Variants in ANLN observed in about 807,000 individuals in gnomAD.
ANLN encodes the protein anillin, actin binding protein, also known as anillin.
Under a neutral mutation model 135.1 loss-of-function variants are expected in ANLN, and 59 were observed. The ratio of observed to expected loss-of-function variants is 0.44; its 90% CI spans 0.35 to 0.54. ANLN has a LOEUF of 0.54. ANLN is among the 20% of genes least tolerant of loss of function. ANLN has a pLI of 0.00. For synonymous variants in ANLN, 406 were observed against 456.4 expected (o/e 0.89, Z 1.41); for missense variants, 1,182 against 1,340.0 (o/e 0.88, Z 1.84).
rs9986887 is a variant in ANLN, at chr7:36,395,165, A to G, written c.19-1101A>G. 5.0e-3 allele frequency among the ~76,000 whole-genome samples: 763 copies of G among 152,344 alleles called. 8 individuals are homozygous for G. Among genetic ancestry groups the G allele is most frequent in the African/African-American group, 0.018 (734 of 41,566 alleles). On this transcript the variant is annotated intron_variant, in intron 1 of 23. Transcript: ENST00000265748. The stretch of plus-strand genomic sequence containing the variant: ...GTTATCACAAATTTAGTGGCCTAAA[A>G]TAACATATTCATTATTTTACAGTTC...
Position 36,420,217 on chromosome 7 carries a change from G to A in ANLN, c.1918G>A (p.Asp640Asn), listed in dbSNP as rs1196694258. The A allele has an allele frequency of 6.2e-7, 1 of 1,614,052 alleles. No homozygotes were observed. Among genetic ancestry groups the A allele is most frequent in the Non-Finnish European group, 8.5e-7 (1 of 1,179,970 alleles). The change falls in exon 11 of 24, where the codon GAT becomes AAT. Residue 640 changes from aspartate to asparagine, a missense_variant. This residue lies in a region of ANLN where 1,022 missense variants were observed against 1,134.0 expected (regional missense o/e 0.90). Transcript: ENST00000265748. ...RLELKDTSRS[D>N]ESPKPGKFQR... ...GGAATTGAAAGACACCAGCAGAAGT[G>A]ATGAAAGTCCAAAACCAGGAAAATT...
intron 3 of ANLN, among the ~76,000 whole-genome samples, chr7:36,405,322 A>G (rs556043389): frequency 6.6e-6 from 1 of 152,314 alleles, no homozygotes; most frequent in South Asian, 2.1e-4. Context: ...CATTTCTCAG[A>G]ATGTATCCCC....
Position 36,449,792 on chromosome 7 carries a change from G to T in ANLN, c.3206G>T (p.Arg1069Leu), listed in dbSNP as rs778999686. The T allele has an allele frequency of 3.1e-6, 5 of 1,613,968 alleles. No individual in the cohort carries two copies. The East Asian group carries it at 1.1e-4, about 36-fold the overall frequency. The change falls in exon 23 of 24, where the codon CGA (arginine) becomes CTA (leucine). Residue 1069 changes from arginine (R) to leucine (L), a missense_variant. Physicochemically the swap from Arg to Leu is moderately radical, Grantham distance 102. Coordinates refer to ENST00000265748, the MANE Select transcript of ANLN (RefSeq NM_018685.5). ...GTCCGACCACAAAGAGAAGATGACC[G>T]AGAGACTCTTGTCAGCCAATGCAGG... ...ITVRPQREDDRETLVSQCRDT... is the reference protein window; with the variant it reads ...ITVRPQREDDLETLVSQCRDT...
chr7:36,391,235 T>C (rs764865950), intron 1 of ANLN, among the ~76,000 whole-genome samples: 4 of 152,226 alleles, frequency 2.6e-5, no homozygotes, highest in Non-Finnish European at 4.4e-5. Flanking sequence ...ATAGGGCTGG[T>C]CATGCACCAA....
At chr7:36,409,053 T>C (rs1456503920) in intron 5 of ANLN, among the ~76,000 whole-genome samples, 1 of 152,148 alleles carries the variant, frequency 6.6e-6, no homozygotes, top group Non-Finnish European at 1.5e-5. Flanking sequence ...ATGGGGTAGG[T>C]AGAAATCTGC....
In ANLN at chr7:36,411,091, C is replaced by T. The variant is rs1787394434; in HGVS notation, c.1320C>T (p.Gly440=). 2 of 1,609,514 alleles carry T rather than the reference C, an allele frequency of 1.2e-6. No homozygotes were observed. Among genetic ancestry groups the T allele is most frequent in the Non-Finnish European group, 1.7e-6 (2 of 1,179,114 alleles). ...ERQKELACLR[G]RFDKGNIWSA... ...AAAAAGAACTAGCATGTCTTCGTGGCCGATTTGACAAGGGCAATATATGGA... is the reference window on the plus strand; with the variant it reads ...AAAAAGAACTAGCATGTCTTCGTGGTCGATTTGACAAGGGCAATATATGGA... Residue 440 remains glycine (G), a synonymous_variant, in exon 7 of 24, where the codon GGC becomes GGT. Transcript: ENST00000265748.
chr7:36,443,640 G>A (rs995152594), intron 21 of ANLN, 115 bp from the exon 22 acceptor site: 3 of 612,734 alleles, frequency 4.9e-6, no homozygotes, highest in Non-Finnish European at 8.6e-6. Flanking sequence ...CATACAAATA[G>A]GTTTTGAGAT....
intron 23 of ANLN, among the ~76,000 whole-genome samples, chr7:36,450,132 T>C (rs1789185021): frequency 6.6e-6 from 1 of 152,218 alleles, no homozygotes; most frequent in African/African-American, 2.4e-5. Flanking sequence ...AAAGATTTCA[T>C]GCGTAGTTGA....
chr7:36,414,962 G>A (rs1787580357), intron 7 of ANLN, among the ~76,000 whole-genome samples: 1 of 152,158 alleles, frequency 6.6e-6, no homozygotes. Context: ...ATTAGGTGAG[G>A]CAATAGATAT....
At chr7:36,410,834 C>A in intron 6 of ANLN, 130 bp downstream of exon 6, 1 of 1,039,678 alleles carries the variant, frequency 9.6e-7, no homozygotes, top group Non-Finnish European at 1.4e-6. Flanking sequence ...TCACTAATTT[C>A]AGACAAGATT....
chr7:36,433,097 G>A (rs1440348257), intron 20 of ANLN, among the ~76,000 whole-genome samples: 3 of 152,104 alleles, frequency 2.0e-5, no homozygotes, highest in Non-Finnish European at 4.4e-5. Context: ...TTACAGTTGT[G>A]AACTACTGTG....
Position 36,419,309 on chromosome 7 carries a change from G to T in ANLN, c.1699G>T (p.Asp567Tyr). The T allele has an allele frequency of 6.2e-7, 1 of 1,614,076 alleles. No individual in the cohort carries two copies. Among genetic ancestry groups the T allele is most frequent in the South Asian group, 1.1e-5 (1 of 91,056 alleles). ...DDINSSKVINDLFSDVLEEGE... is the reference protein window; with the variant it reads ...DDINSSKVINYLFSDVLEEGE... ...TATCAATAGTTCGAAAGTAATTAATGACCTCTTCAGTGATGTCCTAGAGGA... is the reference window on the plus strand; with the variant it reads ...TATCAATAGTTCGAAAGTAATTAATTACCTCTTCAGTGATGTCCTAGAGGA... Residue 567 changes from aspartate (D) to tyrosine (Y), a missense_variant, in exon 10 of 24, where the codon GAC becomes TAC. Physicochemically the swap from Asp to Tyr is radical, Grantham distance 160. Coordinates refer to ENST00000265748, the MANE Select transcript of ANLN (RefSeq NM_018685.5).
At chr7:36,432,651 GT>G (rs1311001013) in intron 20 of ANLN, among the ~76,000 whole-genome samples, 1 of 152,228 alleles carries the variant, frequency 6.6e-6, no homozygotes, top group Admixed American at 6.5e-5. Flanking sequence ...TTTGTTATTT[GT>G]TTTCTATTTG....
In ANLN at chr7:36,433,159, G is replaced by T. The variant is rs149472112; in HGVS notation, c.2884-6045G>T. 4.6e-5 allele frequency among the ~76,000 whole-genome samples: 7 copies of T among 152,192 alleles called. No homozygotes were observed. In the East Asian group the frequency reaches 1.2e-3, roughly 25 times the overall value. On this transcript the variant is annotated intron_variant, in intron 20 of 23. Coordinates refer to ENST00000265748, the MANE Select transcript of ANLN (RefSeq NM_018685.5). The stretch of plus-strand genomic sequence containing the variant: ...AGAAACTTTTATATTTTTATAAACT[G>T]GTCCTTATATTTACCATTTCTGGTG...
chr7:36,406,212 A>C lies in ANLN; in HGVS notation c.519A>C (p.Pro173=). 6.2e-7 allele frequency: 1 copy of C among 1,610,476 alleles called. No homozygotes were observed. The highest frequency in any genetic ancestry group is 8.5e-7 in the Non-Finnish European group (1 of 1,177,018). The stretch of plus-strand genomic sequence containing the variant: ...TTCCTGAAAGCTCACTCTTCTCACC[A>C]ATGCCATCAGAGGAAAAGGCTGCTT... ...DDIPESSLFS[P]MPSEEKAASP... The change falls in exon 4 of 24, where the codon CCA becomes CCC. Residue 173 remains proline, a synonymous_variant. Coordinates refer to ENST00000265748, the MANE Select transcript of ANLN (RefSeq NM_018685.5).
intron 20 of ANLN, among the ~76,000 whole-genome samples, chr7:36,430,789 C>T (rs1288881497): frequency 1.3e-5 from 2 of 152,126 alleles, no homozygotes; most frequent in Non-Finnish European, 2.9e-5. Flanking sequence ...GCATATAACA[C>T]ATTACACAGT....
At chr7:36,419,640 T>TAACC (rs1787790564) in intron 10 of ANLN, among the ~76,000 whole-genome samples, 161 bp downstream of exon 10, 1 of 152,190 alleles carries the variant, frequency 6.6e-6, no homozygotes, top group Admixed American at 6.5e-5. Context: ...AACTCTTGAG[T>TAACC]GGTTTCCTTT....
At position 36,399,179 on chromosome 7, in the gene ANLN, A is replaced by T. The variant is rs1336387582; in HGVS notation, c.273A>T (p.Thr91=). Residue 91 remains threonine (T), a synonymous_variant, in exon 3 of 24, where the codon ACA becomes ACT. Coordinates refer to ENST00000265748, the MANE Select transcript of ANLN (RefSeq NM_018685.5). The part of the protein sequence containing the change: ...NLENKQPVES[T]SAKSCSPSPV... ...AAAATAAACAACCAGTTGAGTCGAC[A>T]TCTGCAAAATCTTGTTCTCCAAGTC... 1 of 1,614,212 alleles carries T rather than the reference A, an allele frequency of 6.2e-7. No individual in the cohort carries two copies. The highest frequency in any genetic ancestry group is 2.2e-5 in the East Asian group (1 of 44,882).
In ANLN at chr7:36,424,718, G is replaced by A. The variant is rs201028914; in HGVS notation, c.2685G>A (p.Lys895=). 3 of 1,610,742 alleles carry A rather than the reference G, an allele frequency of 1.9e-6. No individual in the cohort carries two copies. The African/African-American group carries it at 4.0e-5, about 22-fold the overall frequency. ...AGAAAGATCCCTCAGGCCTTGATAA[G>A]AAGAAAAAAACATCCAAGTCCAAGG... ...VQKKDPSGLD[K]KKKTSKSKAI... is the part of the protein sequence containing the mutation. The change falls in exon 17 of 24, where the codon AAG becomes AAA. Residue 895 remains lysine, a synonymous_variant. Coordinates refer to ENST00000265748, the MANE Select transcript of ANLN (RefSeq NM_018685.5).
Sources: allele counts gnomAD v4.1 joint callset (sites outside exome capture counted in the v4.1 genomes callset), GRCh38; gene constraint gnomAD v4.1.1; regional missense constraint gnomAD v4.1.1; transcripts MANE v1.5; gene names NCBI Gene and HGNC (gene_info 2026-07-23, HGNC 2026-07-21).